Variants in FUT9 observed in about 807,000 individuals in gnomAD.
FUT9 encodes 4-galactosyl-N-acetylglucosaminide 3-alpha-L-fucosyltransferase 9.
In FUT9, 15 loss-of-function variants were observed where a neutral mutation model predicts 29.7. The ratio of observed to expected loss-of-function variants is 0.51; its 90% confidence interval spans 0.34 to 0.78. The LOEUF is 0.78. FUT9 is among the 30% of genes least tolerant of loss of function. The pLI, the probability that FUT9 is intolerant of heterozygous loss-of-function variation, is 0.01. For missense variants in FUT9, 319 were observed against 425.4 expected (o/e 0.75, Z 2.20); for synonymous variants, 169 against 153.7 (o/e 1.10, Z -0.74).
At position 96,080,271 on chromosome 6, in the gene FUT9, G is replaced by T. The variant is rs1053190259; in HGVS notation, c.-97-33768G>T. Among the ~76,000 whole-genome samples, 5 of 151,876 alleles carry T rather than the reference G, an allele frequency of 3.3e-5. No homozygotes were observed. In the East Asian group the frequency reaches 9.6e-4, roughly 29 times the overall value. On this transcript the variant is annotated intron_variant, in intron 1 of 2. Coordinates refer to ENST00000302103, the MANE Select transcript of FUT9 (RefSeq NM_006581.4). ...ATAATAATTTTTTCAATGGTTATTT[G>T]TAAGAGGATATAAAAGTGTAGCTAT...
chr6:96,196,779 T>C (rs1773634531), intron 2 of FUT9, among the ~76,000 whole-genome samples: 1 of 152,186 alleles, frequency 6.6e-6, no homozygotes, highest in African/African-American at 2.4e-5. Flanking sequence ...AAGATTCTTC[T>C]TGGCTTCTCT....
At chr6:96,032,621 T>C (rs980155702) in intron 1 of FUT9, among the ~76,000 whole-genome samples, 4 of 151,608 alleles carry the variant, frequency 2.6e-5, no homozygotes. Flanking sequence ...AATTTTAATG[T>C]TAAGAATACC....
At chr6:96,174,094 A>G (rs537616763) in intron 2 of FUT9, among the ~76,000 whole-genome samples, 2 of 152,052 alleles carry the variant, frequency 1.3e-5, no homozygotes, top group Non-Finnish European at 2.9e-5. Flanking sequence ...TGGCCCAGTA[A>G]TTCCTTCATG....
chr6:96,155,694 G>A (rs567067261), intron 2 of FUT9, among the ~76,000 whole-genome samples: 2 of 151,008 alleles, frequency 1.3e-5, no homozygotes, highest in Non-Finnish European at 3.0e-5. Context: ...AGGAAAGAAA[G>A]AAAAAGAAAA....
intron 1 of FUT9, among the ~76,000 whole-genome samples, chr6:96,026,558 C>T (rs1770172185): frequency 6.6e-6 from 1 of 151,562 alleles, no homozygotes; most frequent in African/African-American, 2.4e-5. Flanking sequence ...AATCATTAAG[C>T]AAAAATGTGT....
In FUT9 at chr6:96,203,838, A is replaced by G. The variant is rs1428390205; in HGVS notation, c.683A>G (p.Asp228Gly). 1 of 1,611,776 alleles carries G rather than the reference A, an allele frequency of 6.2e-7. No homozygotes were observed. Among genetic ancestry groups the G allele is most frequent in the Non-Finnish European group, 8.5e-7 (1 of 1,178,086 alleles). ...CAAGCATTTGGAGAATATGTCAATG[A>G]TAAAAATTTGATTCCTACCATATCT... ...YGQAFGEYVN[D>G]KNLIPTISTC... Residue 228 changes from aspartate to glycine, a missense_variant, in exon 3 of 3, where the codon GAT becomes GGT. Transcript: ENST00000302103.
intron 2 of FUT9, among the ~76,000 whole-genome samples, chr6:96,120,993 A>G (rs1453557092): frequency 1.3e-5 from 2 of 152,118 alleles, no homozygotes; most frequent in Non-Finnish European, 2.9e-5. Context: ...TTTTATCCTT[A>G]CTTGTTTCTA....
chr6:96,038,826 G>A (rs539264064), intron 1 of FUT9, among the ~76,000 whole-genome samples: 8 of 152,034 alleles, frequency 5.3e-5, no homozygotes, highest in Non-Finnish European at 1.2e-4. Flanking sequence ...TGGTGATACT[G>A]ACCTGAATGA....
intron 2 of FUT9, among the ~76,000 whole-genome samples, chr6:96,144,704 G>T (rs1772532258): frequency 6.6e-6 from 1 of 152,074 alleles, no homozygotes; most frequent in African/African-American, 2.4e-5. Context: ...ATCAAACATT[G>T]CATAGTTTAA....
intron 1 of FUT9, among the ~76,000 whole-genome samples, chr6:96,074,721 T>C (rs1300123585): frequency 1.3e-5 from 2 of 152,170 alleles, no homozygotes; most frequent in Admixed American, 6.6e-5. Flanking sequence ...CAATCAAATA[T>C]TGTCACTGTA....
intron 2 of FUT9, among the ~76,000 whole-genome samples, chr6:96,153,593 T>C (rs140016881): frequency 1.6e-4 from 24 of 152,312 alleles, no homozygotes; most frequent in African/African-American, 5.5e-4. Context: ...GCTACAATGG[T>C]ATCTGAATCA....
At chr6:96,108,563 G>A (rs565260870) in intron 1 of FUT9, among the ~76,000 whole-genome samples, 1 of 152,180 alleles carries the variant, frequency 6.6e-6, no homozygotes, top group East Asian at 1.9e-4. Flanking sequence ...TGAGAATCAA[G>A]CTCTCAGCAT....
intron 2 of FUT9, among the ~76,000 whole-genome samples, chr6:96,198,034 G>C (rs141090274): frequency 1.3e-3 from 203 of 152,118 alleles, no homozygotes; most frequent in African/African-American, 4.7e-3. Flanking sequence ...ATCTGTGGTT[G>C]GAGAATTACA....
intron 1 of FUT9, among the ~76,000 whole-genome samples, chr6:96,108,395 C>G (rs1771732973): frequency 6.6e-6 from 1 of 152,154 alleles, no homozygotes; most frequent in South Asian, 2.1e-4. Context: ...CTTAACCTCT[C>G]TGTGCATCAC....
At chr6:96,047,999 G>A (rs1302460304) in intron 1 of FUT9, among the ~76,000 whole-genome samples, 1 of 152,130 alleles carries the variant, frequency 6.6e-6, no homozygotes, top group Admixed American at 6.6e-5. Context: ...AGCTTTTGAG[G>A]AAAATTTGTT....
At chr6:96,053,695 C>T (rs989343610) in intron 1 of FUT9, among the ~76,000 whole-genome samples, 22 of 151,946 alleles carry the variant, frequency 1.4e-4, no homozygotes, top group African/African-American at 4.1e-4. Context: ...GGCAACAGAG[C>T]GAGACTCCAT....
chr6:96,183,028 G>C (rs376684804), intron 2 of FUT9, among the ~76,000 whole-genome samples: 9 of 151,982 alleles, frequency 5.9e-5, no homozygotes, highest in South Asian at 4.1e-4. Context: ...ATTGTTTTTG[G>C]CAGTATGGTT....
intron 1 of FUT9, among the ~76,000 whole-genome samples, chr6:96,099,035 C>T (rs1432655980): frequency 1.3e-5 from 2 of 152,084 alleles, no homozygotes; most frequent in African/African-American, 4.8e-5. Flanking sequence ...TTAATCTGTG[C>T]ATCCTTTATC....
At chr6:96,128,535 T>C (rs1189101148) in intron 2 of FUT9, among the ~76,000 whole-genome samples, 1 of 152,156 alleles carries the variant, frequency 6.6e-6, no homozygotes, top group Non-Finnish European at 1.5e-5. Flanking sequence ...TGGACCCTTT[T>C]GGATAACATA....
Sources: allele counts gnomAD v4.1 joint callset (sites outside exome capture counted in the v4.1 genomes callset), GRCh38; gene constraint gnomAD v4.1.1; transcripts MANE v1.5; gene names NCBI Gene and HGNC (gene_info 2026-07-23, HGNC 2026-07-21).